The following PDE1A variants were observed in gnomAD, a reference collection of about 807,000 sequenced individuals.
PDE1A encodes dual specificity calcium/calmodulin-dependent 3',5'-cyclic nucleotide phosphodiesterase 1A.
Under a neutral mutation model 61.7 loss-of-function variants are expected in PDE1A, and 35 were observed. The observed-to-expected ratio is 0.57, with a 90% CI of 0.43 to 0.75. PDE1A has a LOEUF of 0.75. PDE1A is among the 30% of genes least tolerant of loss of function. The pLI, the probability that PDE1A is intolerant of heterozygous loss-of-function variation, is 0.00. For missense variants in PDE1A, 597 were observed against 630.6 expected (o/e 0.95, Z 0.57); for synonymous variants, 232 against 213.2 (o/e 1.09, Z -0.77).
At chr2:182,480,503 A>G (rs553826700) in intron 2 of PDE1A, among the ~76,000 whole-genome samples, 1 of 151,926 alleles carries the variant, frequency 6.6e-6, no homozygotes, top group Non-Finnish European at 1.5e-5. Flanking sequence ...CCAACTGTGG[A>G]TGGAAAATAT....
At chr2:182,428,101 G>C (rs1244354339), upstream of PDE1A, among the ~76,000 whole-genome samples, 1 of 152,202 alleles carries the variant, frequency 6.6e-6, no homozygotes, top group African/African-American at 2.4e-5. Context: ...TTATCGAGCC[G>C]TTCTAATCCA....
At chr2:182,241,768 T>G in intron 2 of PDE1A, 1 of 1,330,214 alleles carries the variant, frequency 7.5e-7, no homozygotes, top group Non-Finnish European at 1.0e-6. Context: ...TAAAAAATAT[T>G]TAGAGTTGAA....
At chr2:182,499,698 C>A (rs1199497313) in intron 2 of PDE1A, among the ~76,000 whole-genome samples, 1 of 152,126 alleles carries the variant, frequency 6.6e-6, no homozygotes, top group African/African-American at 2.4e-5. Context: ...GAGAAAGTAT[C>A]TTTTACTTAT....
intron 1 of PDE1A, among the ~76,000 whole-genome samples, chr2:182,411,601 G>A (rs1356703299): frequency 3.3e-5 from 5 of 152,024 alleles, no homozygotes; most frequent in East Asian, 1.9e-4. Flanking sequence ...CAGTCCCATC[G>A]GCCATGTATG....
intron 6 of PDE1A, among the ~76,000 whole-genome samples, chr2:182,225,834 C>T (rs1216070473): frequency 6.7e-6 from 1 of 149,980 alleles, no homozygotes; most frequent in Admixed American, 6.6e-5. Context: ...AATTCATGTA[C>T]AAATGCCTCA....
upstream of PDE1A, chr2:182,427,083 T>A (rs1703671028): frequency 1.1e-6 from 1 of 921,630 alleles, no homozygotes; most frequent in Admixed American, 6.2e-5. Context: ...GAGGCTCAAC[T>A]TTTTTTCTTC....
chr2:182,681,157 G>T, the PDE1A span, among the ~76,000 whole-genome samples: 244 of 143,122 alleles, frequency 1.7e-3, 1 homozygote, highest in African/African-American at 6.2e-3. Flanking sequence ...TGTTTTTTTT[G>T]TTTTTTTTTT....
intron 2 of PDE1A, among the ~76,000 whole-genome samples, chr2:182,492,996 G>C (rs1325763786): frequency 1.5e-4 from 22 of 150,218 alleles, no homozygotes; most frequent in Non-Finnish European, 7.4e-5. Flanking sequence ...AAAAAAAAAA[G>C]GGCAGGGACC....
At chr2:182,199,461 C>G (rs1686422824) in intron 10 of PDE1A, among the ~76,000 whole-genome samples, 1 of 151,898 alleles carries the variant, frequency 6.6e-6, no homozygotes, top group African/African-American at 2.4e-5. Flanking sequence ...AAAATTTCCC[C>G]TAAGCACTGC....
At chr2:182,447,321 C>T (rs1250116964) in intron 2 of PDE1A, among the ~76,000 whole-genome samples, 1 of 151,882 alleles carries the variant, frequency 6.6e-6, no homozygotes, top group African/African-American at 2.4e-5. Context: ...CACATAAGAC[C>T]GTATCAGAAT....
At chr2:182,178,139 C>A (rs76383391) in intron 13 of PDE1A, among the ~76,000 whole-genome samples, 2,237 of 152,248 alleles carry the variant, frequency 0.015, 31 homozygotes, top group South Asian at 0.057. Flanking sequence ...CAAGGAGACA[C>A]AGGGGTTGTT....
At chr2:182,419,389 G>T (rs1205073527) in intron 1 of PDE1A, among the ~76,000 whole-genome samples, 4 of 145,228 alleles carry the variant, frequency 2.8e-5, no homozygotes, top group African/African-American at 1.0e-4. Flanking sequence ...AGGCTGGAGT[G>T]CAGTGGCACG....
At chr2:182,266,648 T>C (rs1322355147) in intron 1 of PDE1A, among the ~76,000 whole-genome samples, 1 of 152,178 alleles carries the variant, frequency 6.6e-6, no homozygotes, top group Non-Finnish European at 1.5e-5. Context: ...CTAGGTATGG[T>C]CACATGAGTA....
chr2:182,259,704 T>C, intron 2 of PDE1A, among the ~76,000 whole-genome samples: 1 of 152,348 alleles, frequency 6.6e-6, no homozygotes, highest in East Asian at 1.9e-4. Flanking sequence ...TGAGACAGAT[T>C]GGTTCATGTT....
At chr2:182,293,432 T>G (rs1694667239) in intron 1 of PDE1A, among the ~76,000 whole-genome samples, 1 of 152,140 alleles carries the variant, frequency 6.6e-6, no homozygotes, top group African/African-American at 2.4e-5. Context: ...GTATTAATGA[T>G]CTATATTTTT....
the PDE1A span, among the ~76,000 whole-genome samples, chr2:182,558,658 A>G: frequency 6.6e-6 from 1 of 152,240 alleles, no homozygotes; most frequent in Non-Finnish European, 1.5e-5. Context: ...AACAGCTAAC[A>G]GTTCTTTCAT....
At chr2:182,150,595 G>A (rs1257984902) in intron 13 of PDE1A, among the ~76,000 whole-genome samples, 1 of 152,192 alleles carries the variant, frequency 6.6e-6, no homozygotes, top group Non-Finnish European at 1.5e-5. Context: ...TCAGTTCAAA[G>A]AGTTTTAGGT....
intron 13 of PDE1A, among the ~76,000 whole-genome samples, chr2:182,156,623 C>A (rs1202321732): frequency 6.6e-6 from 1 of 152,112 alleles, no homozygotes; most frequent in Non-Finnish European, 1.5e-5. Flanking sequence ...ATTTGAAATT[C>A]AGTTCTTCAG....
In PDE1A at chr2:182,180,186, TATC is replaced by T. The variant is rs770564033; in HGVS notation, c.1516+5703_1516+5705del. Among the ~76,000 whole-genome samples the T allele has an allele frequency of 1.1e-3, 170 of 152,314 alleles. 1 individual carries two copies. The highest frequency in any genetic ancestry group is 4.0e-3 in the African/African-American group (167 of 41,586). On this transcript the variant is annotated intron_variant, in intron 13 of 13. Coordinates refer to ENST00000351439, the Ensembl canonical transcript of PDE1A. ...TGTTAGTAGATGCATTTTAATAGCT[TATC>T]ATTGTTTCATTTTTATGCAATATTT...
Sources: allele counts gnomAD v4.1 joint callset (sites outside exome capture counted in the v4.1 genomes callset), GRCh38; gene constraint gnomAD v4.1.1; transcripts MANE v1.5; gene names NCBI Gene and HGNC (gene_info 2026-07-23, HGNC 2026-07-21).